The following SMARCAD1 variants were observed in gnomAD, a reference collection of about 807,000 sequenced individuals.
SMARCAD1 encodes the protein SWI/SNF-related matrix-associated actin-dependent regulator of chromatin subfamily A containing DEAD/H box 1.
SMARCAD1 carries 25 observed loss-of-function variants against 127.1 expected under a neutral mutation model. That is an observed-to-expected ratio of 0.20 (90% CI 0.14 to 0.27). SMARCAD1 has a LOEUF of 0.27. Ranked by LOEUF, SMARCAD1 falls within the 10% of genes least tolerant of loss-of-function variation. The pLI, the probability that SMARCAD1 is intolerant of heterozygous loss-of-function variation, is 1.00. For missense variants in SMARCAD1, 807 were observed against 1,206.0 expected (o/e 0.67, Z 4.90); for synonymous variants, 400 against 396.9 (o/e 1.01, Z -0.09).
In SMARCAD1 at chr4:94,278,448, T is replaced by C; in HGVS notation, c.2109T>C (p.Tyr703=). ...AATCAGCAGATGAGCAAAGCATATA[T>C]GAAAAGGAGAGAATAGCACATGCAA... ...KTKSADEQSI[Y]EKERIAHAKQ... is the part of the protein sequence containing the mutation. The change falls in exon 17 of 24, where the codon TAT becomes TAC. Residue 703 remains tyrosine (Y), a synonymous_variant. Coordinates refer to ENST00000354268, the MANE Select transcript of SMARCAD1 (RefSeq NM_020159.5). The C allele has an allele frequency of 6.2e-7, 1 of 1,613,762 alleles. No individual in the cohort carries two copies. Among genetic ancestry groups the C allele is most frequent in the Non-Finnish European group, 8.5e-7 (1 of 1,179,798 alleles).
chr4:94,253,033 T>TTG, intron 9 of SMARCAD1, 26 bp downstream of exon 9: 1 of 1,606,552 alleles, frequency 6.2e-7, no homozygotes, highest in Middle Eastern at 1.7e-4. Flanking sequence ...TTTTTTCCCC[T>TTG]TGTATGTGTG....
At position 94,276,581 on chromosome 4, in the gene SMARCAD1, T is replaced by G. The variant is rs564059892; in HGVS notation, c.1944+107T>G. On this transcript the variant is annotated intron_variant, in intron 15 of 23. Coordinates refer to ENST00000354268, the MANE Select transcript of SMARCAD1 (RefSeq NM_020159.5). ...AATCTGTATTATGTAGTTTAATATA[T>G]GTAGTATTCTGTGTTAGCAAGTTTT... 223 of 1,380,398 alleles carry G rather than the reference T, an allele frequency of 1.6e-4. 7 individuals are homozygous for G. The South Asian group carries it at 2.8e-3, about 17-fold the overall frequency. 85.5% of individuals were successfully genotyped at this position (1,380,398 alleles called of 1,614,324 possible).
chr4:94,275,434 T>A (rs1753116250), intron 14 of SMARCAD1, among the ~76,000 whole-genome samples: 1 of 152,206 alleles, frequency 6.6e-6, no homozygotes, highest in Admixed American at 6.5e-5. Flanking sequence ...CAGAACTTAA[T>A]GCTCTTGTGT....
intron 2 of SMARCAD1, among the ~76,000 whole-genome samples, chr4:94,209,037 A>G (rs1407421706): frequency 1.3e-5 from 2 of 152,234 alleles, no homozygotes; most frequent in African/African-American, 4.8e-5. Context: ...GATCACATCA[A>G]GTTCTTGCAT....
chr4:94,289,235 T>C (rs1356628611), intron 23 of SMARCAD1, among the ~76,000 whole-genome samples: 1 of 152,114 alleles, frequency 6.6e-6, no homozygotes, highest in Non-Finnish European at 1.5e-5. Flanking sequence ...TATATAGCTT[T>C]ATAAAATTGG....
chr4:94,264,557 C>A, intron 9 of SMARCAD1, 150 bp from the exon 10 acceptor site: 1 of 598,698 alleles, frequency 1.7e-6, no homozygotes, highest in Non-Finnish European at 2.9e-6. Context: ...CAAATATAAA[C>A]ATGAAGAATC....
intron 2 of SMARCAD1, among the ~76,000 whole-genome samples, chr4:94,211,496 A>T (rs1345146517): frequency 6.6e-6 from 1 of 152,196 alleles, no homozygotes; most frequent in Non-Finnish European, 1.5e-5. Context: ...ATCATGTGGT[A>T]ACTTTTCATA....
At chr4:94,234,492 G>T (rs1019987209) in intron 4 of SMARCAD1, among the ~76,000 whole-genome samples, 1 of 152,116 alleles carries the variant, frequency 6.6e-6, no homozygotes, top group Non-Finnish European at 1.5e-5. Context: ...GTGCCCTGAA[G>T]CCAGCGATGC....
At chr4:94,255,743 A>AT (rs917601460) in intron 9 of SMARCAD1, among the ~76,000 whole-genome samples, 1 of 151,404 alleles carries the variant, frequency 6.6e-6, no homozygotes, top group African/African-American at 2.4e-5. Context: ...GGAAAATTTG[A>AT]TTTTTTTTAA....
At chr4:94,209,074 A>G (rs961113076) in intron 2 of SMARCAD1, among the ~76,000 whole-genome samples, 5 of 152,228 alleles carry the variant, frequency 3.3e-5, no homozygotes, top group Non-Finnish European at 7.3e-5. Flanking sequence ...ATGTCCTCAG[A>G]ATGCAAATGA....
intron 3 of SMARCAD1, among the ~76,000 whole-genome samples, chr4:94,229,145 C>G (rs1242264816): frequency 6.6e-6 from 1 of 152,076 alleles, no homozygotes; most frequent in East Asian, 1.9e-4. Context: ...CCATTTTTCC[C>G]TTTGTAATAA....
chr4:94,264,817 C>T lies in SMARCAD1; in HGVS notation c.1392C>T (p.Asp464=), dbSNP rs1229824748. The part of the protein sequence containing the change: ...VVIRLMNKCE[D]ISNKLTKQVT... ...TAAGGCTTATGAACAAATGTGAAGACATTTCAAATAAATTGACCAAACAAG... is the reference window on the plus strand; with the variant it reads ...TAAGGCTTATGAACAAATGTGAAGATATTTCAAATAAATTGACCAAACAAG... Residue 464 remains aspartate (D), a synonymous_variant, in exon 10 of 24, where the codon GAC becomes GAT. Transcript: ENST00000354268. The T allele has an allele frequency of 1.2e-6, 2 of 1,612,968 alleles. No homozygotes were observed. Among genetic ancestry groups the T allele is most frequent in the African/African-American group, 1.3e-5 (1 of 74,976 alleles).
chr4:94,213,089 T>C (rs2125789982), intron 2 of SMARCAD1: 1 of 1,288,488 alleles, frequency 7.8e-7, no homozygotes, highest in South Asian at 1.2e-5. Flanking sequence ...GATCCTACTA[T>C]ATTTTATGAA....
chr4:94,276,902 T>G (rs1753390899), intron 15 of SMARCAD1, 120 bp from the exon 16 acceptor site: 1 of 1,040,820 alleles, frequency 9.6e-7, no homozygotes, highest in African/African-American at 1.6e-5. Context: ...CACAGAATGT[T>G]AAATTATTAA....
intron 6 of SMARCAD1, chr4:94,248,378 T>G (rs1475241579): frequency 2.4e-6 from 1 of 419,396 alleles, no homozygotes; most frequent in Non-Finnish European, 4.8e-6. Context: ...TTCACTTATG[T>G]AGTGAAAAAG....
At chr4:94,208,177 C>T (rs975633586) in intron 1 of SMARCAD1, 107 bp downstream of exon 1, 1 of 692,194 alleles carries the variant, frequency 1.4e-6, no homozygotes, top group South Asian at 1.5e-5. Context: ...TAAAAGATAC[C>T]CCCGTCCACC....
chr4:94,212,268 G>A (rs1742386442), intron 2 of SMARCAD1, among the ~76,000 whole-genome samples: 1 of 152,058 alleles, frequency 6.6e-6, no homozygotes, highest in Non-Finnish European at 1.5e-5. Flanking sequence ...TCTACCTCCT[G>A]GGTTCAAGTG....
At chr4:94,243,908 G>C (rs1395964097) in intron 6 of SMARCAD1, among the ~76,000 whole-genome samples, 1 of 152,170 alleles carries the variant, frequency 6.6e-6, no homozygotes, top group African/African-American at 2.4e-5. Context: ...CATGCAGAGG[G>C]AATGTTTTGA....
chr4:94,282,198 C>A (rs1378376194), intron 21 of SMARCAD1, among the ~76,000 whole-genome samples: 110 of 67,574 alleles, frequency 1.6e-3, no homozygotes, highest in South Asian at 3.1e-3. Flanking sequence ...CTCCTGGGTT[C>A]ACGCCATTCT....
Sources: gnomAD v4.1 joint callset for allele counts (sites outside exome capture counted in the v4.1 genomes callset) on GRCh38, gnomAD v4.1.1 for gene constraint, MANE v1.5 for transcripts, NCBI Gene and HGNC (gene_info 2026-07-23, HGNC 2026-07-21) for gene names.